Variants in QTMAN observed in about 807,000 individuals in gnomAD.
QTMAN encodes the protein tRNA-queuosine alpha-mannosyltransferase.
At chr2:144,108,565 G>A in the QTMAN span, among the ~76,000 whole-genome samples, 1 of 151,798 alleles carries the variant, frequency 6.6e-6, no homozygotes, top group East Asian at 1.9e-4. Flanking sequence ...ATGAACCTGG[G>A]AGGCGGAGCT....
the QTMAN span, chr2:143,943,876 C>T: frequency 4.6e-5 from 7 of 151,968 alleles, no homozygotes; most frequent in Admixed American, 4.6e-4. Context: ...AACCAGGTGC[C>T]CTGATATTTG....
the QTMAN span, among the ~76,000 whole-genome samples, chr2:144,278,067 C>A: frequency 1.3e-5 from 2 of 152,128 alleles, no homozygotes; most frequent in Non-Finnish European, 2.9e-5. Context: ...CTTCTGGGGC[C>A]AGCAGCAAAA....
At chr2:144,131,176 G>C in the QTMAN span, among the ~76,000 whole-genome samples, 1 of 151,848 alleles carries the variant, frequency 6.6e-6, no homozygotes, top group Non-Finnish European at 1.5e-5. Context: ...CTGCAGGTCA[G>C]CTCCATCTAA....
chr2:144,238,006 T>C, the QTMAN span, among the ~76,000 whole-genome samples: 2 of 152,298 alleles, frequency 1.3e-5, no homozygotes, highest in East Asian at 3.9e-4. Context: ...CTAGTCTAAC[T>C]TTCAAATGAC....
At chr2:144,183,050 C>G in the QTMAN span, among the ~76,000 whole-genome samples, 3 of 148,546 alleles carry the variant, frequency 2.0e-5, no homozygotes, top group Admixed American at 2.1e-4. Context: ...ATATCTGAGT[C>G]TAAGAAGCCT....
chr2:143,991,945 TC>T, the QTMAN span, among the ~76,000 whole-genome samples: 2 of 150,354 alleles, frequency 1.3e-5, no homozygotes, highest in Non-Finnish European at 3.0e-5. Flanking sequence ...AGCCACCTCT[TC>T]CGGGAGGTGA....
the QTMAN span, among the ~76,000 whole-genome samples, chr2:144,104,393 C>T: frequency 2.6e-5 from 4 of 152,290 alleles, no homozygotes; most frequent in Admixed American, 2.0e-4. Context: ...CCTGGAAAAT[C>T]GGGTCACTCC....
At chr2:144,138,024 T>C in the QTMAN span, among the ~76,000 whole-genome samples, 2 of 152,078 alleles carry the variant, frequency 1.3e-5, no homozygotes, top group African/African-American at 4.8e-5. Flanking sequence ...TCTTCTCACT[T>C]CAATCTTGGG....
chr2:143,992,237 G>C, the QTMAN span, among the ~76,000 whole-genome samples: 56 of 149,528 alleles, frequency 3.7e-4, no homozygotes, highest in East Asian at 9.7e-4. Context: ...ACCTTACCCC[G>C]CAACCCTGTG....
At chr2:144,199,500 T>A in the QTMAN span, among the ~76,000 whole-genome samples, 183 of 152,254 alleles carry the variant, frequency 1.2e-3, no homozygotes, top group African/African-American at 4.3e-3. Context: ...GTCAAATGCC[T>A]TCTCTTTGAA....
the QTMAN span, among the ~76,000 whole-genome samples, chr2:144,174,299 C>T: frequency 6.6e-6 from 1 of 152,136 alleles, no homozygotes; most frequent in Non-Finnish European, 1.5e-5. Flanking sequence ...ATTCCTCCTC[C>T]TTGCACCAAG....
chr2:144,212,522 C>A, the QTMAN span, among the ~76,000 whole-genome samples: 1 of 152,008 alleles, frequency 6.6e-6, no homozygotes, highest in Non-Finnish European at 1.5e-5. Context: ...AGGGATGTGG[C>A]ACTTTAAAAG....
chr2:144,141,704 G>T, the QTMAN span, among the ~76,000 whole-genome samples: 175 of 151,916 alleles, frequency 1.2e-3, 2 homozygotes, highest in African/African-American at 4.1e-3. Context: ...ACTAGTGATG[G>T]GTTAGACACA....
the QTMAN span, among the ~76,000 whole-genome samples, chr2:144,132,578 A>G: frequency 6.6e-6 from 1 of 152,092 alleles, no homozygotes; most frequent in Non-Finnish European, 1.5e-5. Flanking sequence ...CTTTCATGTC[A>G]CATGACACAG....
At chr2:144,235,471 A>G in the QTMAN span, among the ~76,000 whole-genome samples, 1 of 152,170 alleles carries the variant, frequency 6.6e-6, no homozygotes, top group African/African-American at 2.4e-5. Flanking sequence ...ACATGAAATA[A>G]TAATGAGATA....
the QTMAN span, among the ~76,000 whole-genome samples, chr2:144,134,192 TG>T: frequency 6.6e-6 from 1 of 152,130 alleles, no homozygotes; most frequent in African/African-American, 2.4e-5. Context: ...TGTAAAATAG[TG>T]TTTTTTTTTA....
chr2:144,332,300 C>G, the QTMAN span: 5 of 150,416 alleles, frequency 3.3e-5, no homozygotes, highest in East Asian at 9.8e-4. Context: ...GCTCCCCGCG[C>G]CGCAGCCGCC....
chr2:144,128,561 G>C, the QTMAN span, among the ~76,000 whole-genome samples: 7 of 152,118 alleles, frequency 4.6e-5, no homozygotes, highest in Admixed American at 3.3e-4. Flanking sequence ...TACTAATGCA[G>C]TGAATGACTC....
chr2:144,275,522 G>A, the QTMAN span, among the ~76,000 whole-genome samples: 3 of 152,104 alleles, frequency 2.0e-5, no homozygotes, highest in Non-Finnish European at 2.9e-5. Context: ...TTGTCCACTA[G>A]ACTCTTAAGT....
Sources: gnomAD v4.1 joint callset for allele counts (sites outside exome capture counted in the v4.1 genomes callset) on GRCh38, gnomAD v4.1.1 for gene constraint, MANE v1.5 for transcripts, NCBI Gene and HGNC (gene_info 2026-07-23, HGNC 2026-07-21) for gene names.